TACC2: variants seen among roughly 807,000 people sequenced by gnomAD.
The protein encoded by TACC2 is transforming acidic coiled-coil-containing protein 2.
TACC2 carries 137 observed loss-of-function variants against 227.3 expected under a neutral mutation model. The observed-to-expected ratio is 0.60, with a 90% CI of 0.52 to 0.69. The LOEUF (loss-of-function observed/expected upper bound fraction) is 0.69. TACC2 is among the 30% of genes least tolerant of loss of function. The pLI is 0.00. For synonymous variants in TACC2, 1,523 were observed against 1,487.5 expected (o/e 1.02, Z -0.55); for missense variants, 3,470 against 3,694.4 (o/e 0.94, Z 1.57).
At chr10:122,157,756 T>A (rs907087943) in intron 7 of TACC2, among the ~76,000 whole-genome samples, 9 of 152,112 alleles carry the variant, frequency 5.9e-5, no homozygotes, top group African/African-American at 1.9e-4. Context: ...AGGTAGAGTA[T>A]ATTCTCTCAA....
chr10:122,171,879 G>A (rs1441238929), intron 7 of TACC2, among the ~76,000 whole-genome samples: 1 of 152,228 alleles, frequency 6.6e-6, no homozygotes. Flanking sequence ...TTAGCCTTGT[G>A]TCTTTGCTCT....
At chr10:122,110,222 A>T (rs1019390554) in intron 5 of TACC2, among the ~76,000 whole-genome samples, 8 of 152,188 alleles carry the variant, frequency 5.3e-5, no homozygotes, top group African/African-American at 1.9e-4. Context: ...TTTCTAAGGC[A>T]CGTGTTGCTG....
At chr10:122,200,536 T>C (rs1292660677) in intron 8 of TACC2, among the ~76,000 whole-genome samples, 11 of 81,446 alleles carry the variant, frequency 1.4e-4, no homozygotes, top group South Asian at 4.5e-4. Context: ...GGGAGGACAG[T>C]TACCTCACCT....
chr10:122,248,622 G>T (rs1209748803), intron 19 of TACC2, 21 bp from the exon 20 acceptor site: 3 of 1,612,182 alleles, frequency 1.9e-6, no homozygotes, highest in South Asian at 2.2e-5. Flanking sequence ...CCATCATTTG[G>T]CTCCTGGTCT....
At chr10:122,069,818 T>C (rs1389672131) in intron 3 of TACC2, among the ~76,000 whole-genome samples, 7 of 152,150 alleles carry the variant, frequency 4.6e-5, no homozygotes. Context: ...GCGGGCAAAG[T>C]TGTTTCTCTT....
intron 14 of TACC2, 44 bp downstream of exon 14, chr10:122,228,052 G>T (rs780908687): frequency 6.3e-7 from 1 of 1,579,954 alleles, no homozygotes; most frequent in Non-Finnish European, 8.6e-7. Flanking sequence ...GATGAGGTGT[G>T]GGCCAGCTGC....
rs763099889 is a variant in TACC2 at position 122,086,375 on chromosome 10, C to T, written c.3875C>T (p.Ala1292Val). 1.2e-6 allele frequency: 2 copies of T among 1,613,484 alleles called. No homozygotes were observed. The highest frequency in any genetic ancestry group is 1.1e-5 in the South Asian group (1 of 91,074). ...TTGAAGCTGTTTGCTGGCTCCCTCG[C>T]CCCCCTGTTGCAACCAGGAGCTGCA... ...ASLKLFAGSL[A>V]PLLQPGAAGG... is the part of the protein sequence containing the mutation. Residue 1292 changes from alanine to valine, a missense_variant, in exon 4 of 23, where the codon GCC (alanine) becomes GTC (valine). Physicochemically the swap from Ala to Val is moderately conservative, Grantham distance 64. Transcript: ENST00000369005.
chr10:122,176,099 CTCTCTCTCTCTCTCTCTCTATA>C (rs1187080965), intron 7 of TACC2, among the ~76,000 whole-genome samples: 39 of 88,926 alleles, frequency 4.4e-4, no homozygotes, highest in African/African-American at 1.5e-3. Flanking sequence ...CTCTCTCTCT[CTCTCTCTCTCTCTCTCTCTATA>C]TATATATATA....
intron 1 of TACC2, among the ~76,000 whole-genome samples, chr10:122,003,955 C>T (rs1488367666): frequency 6.6e-6 from 1 of 152,026 alleles, no homozygotes; most frequent in South Asian, 2.1e-4. Flanking sequence ...TGCGCCCAGC[C>T]CTAAACTGCC....
In TACC2 at chr10:122,150,392, T is replaced by A. The variant is rs1041622295; in HGVS notation, c.5834+6686T>A. Among the ~76,000 whole-genome samples the A allele has an allele frequency of 6.6e-6, 1 of 152,152 alleles. No individual in the cohort carries two copies. The highest frequency in any genetic ancestry group is 2.4e-5 in the African/African-American group (1 of 41,450). ...GTGTGGGGGCCCTTCTTGCCCTGAA[T>A]AGGGGCAGCTGAGGCCAGGAGCCCA... is the stretch of plus-strand genomic sequence containing the variant. On this transcript the variant is annotated intron_variant, in intron 7 of 22. Coordinates refer to ENST00000369005, the MANE Select transcript of TACC2 (RefSeq NM_206862.4). This position sits in a 1 kb window ranked among gnomAD's most constrained non-coding sequence, Gnocchi z 4.0.
chr10:122,202,554 TC>T (rs1383109416), intron 8 of TACC2, among the ~76,000 whole-genome samples: 4 of 147,972 alleles, frequency 2.7e-5, no homozygotes, highest in African/African-American at 1.0e-4. Flanking sequence ...ATCCCTGTCT[TC>T]CTCTCTGTTA....
Position 122,103,335 on chromosome 10 carries a change from G to A in TACC2, c.5573+14744G>A, listed in dbSNP as rs138613247. Among the ~76,000 whole-genome samples the A allele has an allele frequency of 8.4e-3, 1,283 of 152,178 alleles. 12 individuals are homozygous for A. Among genetic ancestry groups the A allele is most frequent in the Non-Finnish European group, 0.012 (834 of 67,998 alleles). ...CGTGGCACTGCTCAGTGTGGCCTCC[G>A]GGTGAGTTCACCACTCAAAGCCTGC... On this transcript the variant is annotated intron_variant, in intron 5 of 22. Coordinates refer to ENST00000369005, the MANE Select transcript of TACC2 (RefSeq NM_206862.4).
intron 5 of TACC2, among the ~76,000 whole-genome samples, chr10:122,105,043 C>T (rs961740296): frequency 3.3e-5 from 5 of 152,206 alleles, no homozygotes; most frequent in African/African-American, 1.2e-4. Flanking sequence ...CTAGATGAAA[C>T]TCCTTTAGTC....
chr10:122,195,736 A>C (rs1013989030), intron 8 of TACC2, among the ~76,000 whole-genome samples: 1 of 152,120 alleles, frequency 6.6e-6, no homozygotes, highest in African/African-American at 2.4e-5. Context: ...GGTGGAATAG[A>C]TCTCGTCCCC....
chr10:122,058,923 G>A (rs899927089), intron 3 of TACC2, among the ~76,000 whole-genome samples: 22 of 144,154 alleles, frequency 1.5e-4, no homozygotes, highest in African/African-American at 4.1e-4. Flanking sequence ...ACACGGTTTC[G>A]TTTTTGGTGT....
intron 9 of TACC2, among the ~76,000 whole-genome samples, chr10:122,212,552 G>A (rs756383607): frequency 1.6e-4 from 24 of 152,116 alleles, no homozygotes; most frequent in Non-Finnish European, 2.8e-4. Flanking sequence ...TTACTCTTAC[G>A]GGAAGTATTG....
At chr10:122,176,109 CTCTCTCTCTATATATATATATA>C (rs1273777111) in intron 7 of TACC2, among the ~76,000 whole-genome samples, 1 of 68,074 alleles carries the variant, frequency 1.5e-5, no homozygotes, top group Non-Finnish European at 2.7e-5. Flanking sequence ...CTCTCTCTCT[CTCTCTCTCTATATATATATATA>C]TATATATATA....
intron 12 of TACC2, 100 bp downstream of exon 12, chr10:122,224,887 C>A: frequency 1.0e-6 from 1 of 979,146 alleles, no homozygotes; most frequent in Non-Finnish European, 1.6e-6. Flanking sequence ...GACCCCAAAT[C>A]GAGTGTTTTC....
chr10:122,088,362 T>TG, intron 4 of TACC2, 116 bp from the exon 5 acceptor site: 1 of 997,990 alleles, frequency 1.0e-6, no homozygotes, highest in Non-Finnish European at 1.4e-6. Context: ...GGGATTTTTT[T>TG]TTTTGTAGTA....
Sources: gnomAD v4.1 joint callset for allele counts (sites outside exome capture counted in the v4.1 genomes callset) on GRCh38, gnomAD v4.1.1 for gene constraint, Gnocchi (gnomAD v3.1) non-coding constraint, MANE v1.5 for transcripts, NCBI Gene and HGNC (gene_info 2026-07-23, HGNC 2026-07-21) for gene names.